The following USH2A variants were observed in gnomAD, a reference collection of about 807,000 sequenced individuals.
USH2A encodes Usher syndrome 2A (autosomal recessive, mild).
In USH2A, 443 loss-of-function variants were observed where a neutral mutation model predicts 538.9. The ratio of observed to expected loss-of-function variants is 0.82; its 90% CI spans 0.76 to 0.89. The LOEUF (loss-of-function observed/expected upper bound fraction) is 0.89, where lower values mean the gene tolerates loss of function less well. Ranked by LOEUF, USH2A falls within the 40% of genes least tolerant of loss-of-function variation. The pLI, the probability that USH2A is intolerant of heterozygous loss-of-function variation, is 0.00. For missense variants in USH2A, 6,633 were observed against 6,324.8 expected, an observed-to-expected ratio of 1.05 and a Z score of -1.65; for synonymous variants, 2,413 against 2,273.5, an observed-to-expected ratio of 1.06 and a Z score of -1.75.
At chr1:216,312,299 C>A (rs1175595449) in intron 9 of USH2A, among the ~76,000 whole-genome samples, 1 of 152,000 alleles carries the variant, frequency 6.6e-6, no homozygotes, top group African/African-American at 2.4e-5. Flanking sequence ...TTCAGCCAGG[C>A]TCCTTTTAAG....
At chr1:215,975,153 T>C (rs560387666) in intron 35 of USH2A, among the ~76,000 whole-genome samples, 4 of 152,224 alleles carry the variant, frequency 2.6e-5, no homozygotes, top group African/African-American at 9.6e-5. Context: ...TGTTCATGTC[T>C]TTTACCCACT....
intron 44 of USH2A, among the ~76,000 whole-genome samples, chr1:215,866,495 C>T (rs530460172): frequency 6.6e-6 from 1 of 152,292 alleles, no homozygotes; most frequent in South Asian, 2.1e-4. Flanking sequence ...TGCCCATAGC[C>T]AGTCTGAAGA....
chr1:215,815,042 G>A (rs765753880), intron 48 of USH2A, among the ~76,000 whole-genome samples: 2 of 152,174 alleles, frequency 1.3e-5, no homozygotes, highest in South Asian at 2.1e-4. Context: ...CGCAATACAA[G>A]TCTCTTTTCT....
At chr1:215,964,004 A>G (rs1161617732) in intron 37 of USH2A, among the ~76,000 whole-genome samples, 2 of 152,126 alleles carry the variant, frequency 1.3e-5, no homozygotes, top group Admixed American at 6.6e-5. Context: ...CTGACTTTTG[A>G]AAGTTCTCTT....
At chr1:215,782,618 T>C in intron 53 of USH2A, 120 bp downstream of exon 53, 1 of 1,074,826 alleles carries the variant, frequency 9.3e-7, no homozygotes, top group Non-Finnish European at 1.4e-6. Flanking sequence ...GTTCCCTTTA[T>C]CGGAACATAC....
chr1:215,672,170 T>G lies in USH2A; in HGVS notation c.13812-877A>C, dbSNP rs1247409567. Among the ~76,000 whole-genome samples the G allele has an allele frequency of 3.9e-5, 6 of 152,190 alleles. 1 individual carries two copies. Among genetic ancestry groups the G allele is most frequent in the Non-Finnish European group, 5.9e-5 (4 of 68,042 alleles). The stretch of plus-strand genomic sequence containing the variant: ...AGTATTTAGTGCCTATGGCTGTAAA[T>G]GAGCACTTTTTTCTCTATTCCCAAC... On this transcript the variant is annotated intron_variant, in intron 63 of 71. Coordinates refer to ENST00000307340, the MANE Select transcript of USH2A (RefSeq NM_206933.4).
intron 58 of USH2A, among the ~76,000 whole-genome samples, chr1:215,747,341 T>C (rs1660498869): frequency 6.6e-6 from 1 of 151,818 alleles, no homozygotes; most frequent in South Asian, 2.1e-4. Context: ...GCCTAAAAAA[T>C]AACTTTATTT....
chr1:216,065,802 C>G (rs1237307761), intron 30 of USH2A, among the ~76,000 whole-genome samples: 1 of 151,950 alleles, frequency 6.6e-6, no homozygotes, highest in Non-Finnish European at 1.5e-5. Context: ...GAGGCCAAGG[C>G]AGGAAAATCT....
At chr1:216,222,287 C>T (rs2035471781) in intron 14 of USH2A, among the ~76,000 whole-genome samples, 2 of 152,164 alleles carry the variant, frequency 1.3e-5, no homozygotes, top group Non-Finnish European at 2.9e-5. Context: ...AACTCTGCTG[C>T]TGTAGCAGGA....
intron 52 of USH2A, among the ~76,000 whole-genome samples, chr1:215,785,042 C>T (rs1315405574): frequency 6.6e-6 from 1 of 152,176 alleles, no homozygotes; most frequent in Non-Finnish European, 1.5e-5. Context: ...TGTCCTCTAT[C>T]TGAGGCCTTT....
chr1:215,733,196 G>A, intron 60 of USH2A, among the ~76,000 whole-genome samples: 1 of 132,810 alleles, frequency 7.5e-6, no homozygotes, highest in South Asian at 2.4e-4. Flanking sequence ...GAGAGAGGTG[G>A]CGGGGGGGCG....
At chr1:216,111,381 CT>C (rs2032865209) in intron 21 of USH2A, among the ~76,000 whole-genome samples, 1 of 152,136 alleles carries the variant, frequency 6.6e-6, no homozygotes, top group Non-Finnish European at 1.5e-5. Flanking sequence ...CTAAGTTCTC[CT>C]TCTCCTTCGG....
chr1:216,275,388 C>T lies in USH2A; in HGVS notation c.1971+13892G>A, dbSNP rs572561886. ...ATCTCACAGAAGCATTTATTTCTAA[C>T]GTGAATAAATGTATTTTCCATGTCT... is the stretch of plus-strand genomic sequence containing the variant. On this transcript the variant is annotated intron_variant, in intron 11 of 71. Coordinates refer to ENST00000307340, the MANE Select transcript of USH2A (RefSeq NM_206933.4). 9.2e-5 allele frequency among the ~76,000 whole-genome samples: 14 copies of T among 152,044 alleles called. No individual in the cohort carries two copies. In the East Asian group the frequency reaches 1.7e-3, roughly 19 times the overall value.
intron 12 of USH2A, among the ~76,000 whole-genome samples, chr1:216,250,272 TA>T (rs2036132783): frequency 6.6e-6 from 1 of 152,084 alleles, no homozygotes; most frequent in Admixed American, 6.6e-5. Context: ...ACGTCTTGTA[TA>T]AAAAAATGAT....
chr1:215,738,818 A>C (rs969531229), intron 60 of USH2A, among the ~76,000 whole-genome samples: 9 of 152,184 alleles, frequency 5.9e-5, no homozygotes, highest in Non-Finnish European at 1.0e-4. Flanking sequence ...GAGAAGGCCA[A>C]TGATGAAGCT....
chr1:216,277,237 T>C (rs1381062007), intron 11 of USH2A, among the ~76,000 whole-genome samples: 1 of 152,132 alleles, frequency 6.6e-6, no homozygotes, highest in Non-Finnish European at 1.5e-5. Flanking sequence ...AGCCCCCTCC[T>C]CTGGGAACAT....
At position 215,625,858 on chromosome 1, in the gene USH2A, C is replaced by T; in HGVS notation, c.15532G>A (p.Glu5178Lys). Residue 5178 changes from glutamate to lysine, a missense_variant, in exon 72 of 72, where the codon GAG becomes AAG. Glu to Lys is a moderately conservative substitution (Grantham distance 56, BLOSUM62 1). Coordinates refer to ENST00000307340, the MANE Select transcript of USH2A (RefSeq NM_206933.4). ...GHNSGLYVDE[E>K]DLMNAIKDFS... is the part of the protein sequence containing the mutation. Reference sequence around the variant, plus strand: ...TCCTTGATGGCGTTCATCAGGTCCTCTTCATCCACATACTGAAAAATAAGC... The same window carrying T: ...TCCTTGATGGCGTTCATCAGGTCCTTTTCATCCACATACTGAAAAATAAGC... 6.2e-7 allele frequency: 1 copy of T among 1,614,066 alleles called. No individual in the cohort carries two copies. Among genetic ancestry groups the T allele is most frequent in the Non-Finnish European group, 8.5e-7 (1 of 1,179,962 alleles).
intron 21 of USH2A, among the ~76,000 whole-genome samples, chr1:216,132,921 T>C (rs962108724): frequency 2.0e-5 from 3 of 152,112 alleles, no homozygotes; most frequent in African/African-American, 4.8e-5. Flanking sequence ...AAAAGCTTAA[T>C]GTGTTTTCTT....
intron 4 of USH2A, among the ~76,000 whole-genome samples, chr1:216,338,044 T>C (rs1039582974): frequency 6.6e-6 from 1 of 151,370 alleles, no homozygotes; most frequent in African/African-American, 2.4e-5. Context: ...TGATATACTA[T>C]GATCATGGAT....
Sources: allele counts gnomAD v4.1 joint callset (sites outside exome capture counted in the v4.1 genomes callset), GRCh38; gene constraint gnomAD v4.1.1; transcripts MANE v1.5; gene names NCBI Gene and HGNC (gene_info 2026-07-23, HGNC 2026-07-21).